Variants in SHROOM3 observed in about 807,000 individuals in gnomAD.
SHROOM3 encodes shroom family member 3.
Under a neutral mutation model 138.6 loss-of-function variants are expected in SHROOM3, and 47 were observed. That is an observed-to-expected ratio of 0.34 (90% CI 0.27 to 0.43). The LOEUF (loss-of-function observed/expected upper bound fraction) is 0.43, where lower values mean the gene tolerates loss of function less well. Ranked by LOEUF, SHROOM3 falls within the 20% of genes least tolerant of loss-of-function variation. SHROOM3 has a pLI of 1.00. For synonymous variants in SHROOM3, 1,062 were observed against 1,063.3 expected (o/e 1.00, Z 0.02); for missense variants, 2,491 against 2,596.5 (o/e 0.96, Z 0.88).
chr4:76,706,746 AG>A (rs1720067728), intron 2 of SHROOM3, among the ~76,000 whole-genome samples: 1 of 152,238 alleles, frequency 6.6e-6, no homozygotes, highest in Non-Finnish European at 1.5e-5. Flanking sequence ...CCAGGCACTA[AG>A]CTGAGCTGGT....
At chr4:76,738,462 G>A (rs1041491104) in intron 4 of SHROOM3, among the ~76,000 whole-genome samples, 2 of 152,106 alleles carry the variant, frequency 1.3e-5, no homozygotes, top group Non-Finnish European at 2.9e-5. Context: ...CCAGCATGCA[G>A]CAAATCACAT....
At chr4:76,569,109 T>G (rs1268988617) in intron 2 of SHROOM3, among the ~76,000 whole-genome samples, 1 of 152,220 alleles carries the variant, frequency 6.6e-6, no homozygotes, top group African/African-American at 2.4e-5. Flanking sequence ...AATGGAGGCA[T>G]TTCTATTTTT....
chr4:76,481,068 A>G (rs1731597803), intron 1 of SHROOM3, among the ~76,000 whole-genome samples: 1 of 152,238 alleles, frequency 6.6e-6, no homozygotes, highest in Admixed American at 6.5e-5. Flanking sequence ...TCACAATTAA[A>G]GGAACTAGAG....
At chr4:76,757,056 G>C in intron 8 of SHROOM3, 119 bp downstream of exon 8, 1 of 1,516,176 alleles carries the variant, frequency 6.6e-7, no homozygotes, top group Non-Finnish European at 9.0e-7. Context: ...TGAACCAAGA[G>C]TGACATTTTA....
chr4:76,775,134 A>T (rs1428129123), intron 10 of SHROOM3, among the ~76,000 whole-genome samples: 1 of 152,066 alleles, frequency 6.6e-6, no homozygotes, highest in Non-Finnish European at 1.5e-5. Context: ...GAGTCCCCGA[A>T]GTCCTTTGTA....
chr4:76,758,795 T>A (rs1434669164), intron 8 of SHROOM3, among the ~76,000 whole-genome samples: 1 of 152,106 alleles, frequency 6.6e-6, no homozygotes, highest in African/African-American at 2.4e-5. Flanking sequence ...TAAATAAAGT[T>A]CCTCTCCAAG....
At chr4:76,763,159 G>A (rs558045000) in intron 9 of SHROOM3, among the ~76,000 whole-genome samples, 8 of 152,262 alleles carry the variant, frequency 5.3e-5, no homozygotes, top group Non-Finnish European at 8.8e-5. Context: ...GCCAAGGCAG[G>A]AGGATTGCTG....
chr4:76,622,845 G>A (rs182042997), intron 2 of SHROOM3, among the ~76,000 whole-genome samples: 18 of 152,270 alleles, frequency 1.2e-4, no homozygotes, highest in Admixed American at 6.5e-4. Flanking sequence ...TGAGAGTCGG[G>A]AGGGAGGGAC....
At chr4:76,689,835 C>T (rs750816039) in intron 2 of SHROOM3, 14 of 818,364 alleles carry the variant, frequency 1.7e-5, no homozygotes, top group Non-Finnish European at 1.9e-5. Context: ...GGGGCTTTCA[C>T]GGCCAGCACC....
intron 10 of SHROOM3, 130 bp from the exon 11 acceptor site, chr4:76,778,679 C>A: frequency 7.9e-7 from 1 of 1,268,018 alleles, no homozygotes; most frequent in Non-Finnish European, 1.1e-6. Context: ...AGTTAGCCTC[C>A]TTACTTAGGA....
chr4:76,631,203 CTTTTT>C (rs71212436), intron 2 of SHROOM3, among the ~76,000 whole-genome samples: 24,441 of 104,104 alleles, frequency 0.23, 2,614 homozygotes, highest in East Asian at 0.46. Flanking sequence ...TTTTTTTAAT[CTTTTT>C]TTTTTTTTTT....
chr4:76,599,417 A>G (rs1482402039), intron 2 of SHROOM3, among the ~76,000 whole-genome samples: 1 of 152,220 alleles, frequency 6.6e-6, no homozygotes, highest in Non-Finnish European at 1.5e-5. Context: ...CTGCCCATTC[A>G]AGATAGGTCA....
intron 1 of SHROOM3, among the ~76,000 whole-genome samples, chr4:76,523,108 G>A (rs35614432): frequency 0.14 from 20,966 of 152,130 alleles, 1,782 homozygotes; most frequent in East Asian, 0.3. Context: ...TGTAGGAGAG[G>A]AACTTCCCCA....
intron 4 of SHROOM3, among the ~76,000 whole-genome samples, chr4:76,734,542 A>G (rs1321364488): frequency 7.0e-6 from 1 of 142,474 alleles, no homozygotes; most frequent in Non-Finnish European, 1.5e-5. Context: ...GATGGGTCTC[A>G]CTGTGTTGCC....
rs574604905 is a variant in SHROOM3 at position 76,527,353 on chromosome 4, C to T, written c.169-28256C>T. 1.3e-4 allele frequency among the ~76,000 whole-genome samples: 20 copies of T among 152,242 alleles called. 2 individuals carry two copies. The East Asian group carries it at 1.4e-3, about 10-fold the overall frequency. ...ATCCCAGCACTTTGAGAGGCCAAGG[C>T]GGCCGGATTGCCTGAGGTCAGGAGT... is the stretch of plus-strand genomic sequence containing the variant. On this transcript the variant is annotated intron_variant, in intron 1 of 10. Coordinates refer to ENST00000296043, the MANE Select transcript of SHROOM3 (RefSeq NM_020859.4).
intron 1 of SHROOM3, among the ~76,000 whole-genome samples, chr4:76,484,758 G>A (rs1560520702): frequency 6.6e-6 from 1 of 152,178 alleles, no homozygotes; most frequent in Non-Finnish European, 1.5e-5. Context: ...AAAAGTAAGA[G>A]GATTGTAATT....
intron 9 of SHROOM3, among the ~76,000 whole-genome samples, chr4:76,767,911 C>T (rs1722216141): frequency 6.6e-6 from 1 of 152,152 alleles, no homozygotes; most frequent in South Asian, 2.1e-4. Context: ...TCTAGACATT[C>T]TAGAAATTCT....
At chr4:76,628,362 C>T (rs952469182) in intron 2 of SHROOM3, among the ~76,000 whole-genome samples, 2 of 152,090 alleles carry the variant, frequency 1.3e-5, no homozygotes, top group South Asian at 4.2e-4. Context: ...CAAGGTGTAT[C>T]ATTATTTGTC....
intron 1 of SHROOM3, among the ~76,000 whole-genome samples, chr4:76,438,588 TTTC>T (rs1730607168): frequency 1.3e-5 from 2 of 152,200 alleles, no homozygotes; most frequent in African/African-American, 2.4e-5. Flanking sequence ...TAAAGCTCCA[TTTC>T]TTCTTCTCTC....
Sources: gnomAD v4.1 joint callset for allele counts (sites outside exome capture counted in the v4.1 genomes callset) on GRCh38, gnomAD v4.1.1 for gene constraint, MANE v1.5 for transcripts, NCBI Gene and HGNC (gene_info 2026-07-23, HGNC 2026-07-21) for gene names.